NAALAD2: variants seen among roughly 807,000 people sequenced by gnomAD.
The protein encoded by NAALAD2 is N-acetylated alpha-linked acidic dipeptidase 2.
Under a neutral mutation model 95.6 loss-of-function variants are expected in NAALAD2, and 89 were observed. The observed-to-expected ratio is 0.93, with a 90% CI of 0.78 to 1.11. The LOEUF (loss-of-function observed/expected upper bound fraction) is 1.11. NAALAD2 is among the 50% of genes least tolerant of loss of function. The pLI is 0.00. For missense variants in NAALAD2, 894 were observed against 872.4 expected, an observed-to-expected ratio of 1.02 and a Z score of -0.31; for synonymous variants, 264 against 294.4, an observed-to-expected ratio of 0.90 and a Z score of 1.06.
rs948991817 is a variant in NAALAD2, at chr11:90,134,687, C to T, written c.-72C>T. ...CAGAGCTCACAGCCTCCTGCCAGCG[C>T]GCTCTCTGTTTCTCTGCAGCCCCGA... On this transcript the variant is annotated 5_prime_UTR_variant, in exon 1 of 19. Coordinates refer to ENST00000534061, the MANE Select transcript of NAALAD2 (RefSeq NM_005467.4). 5.4e-6 allele frequency: 8 copies of T among 1,473,504 alleles called. No homozygotes were observed. In the Admixed American group the frequency reaches 6.7e-5, roughly 12 times the overall value. The allele number at this position is 1,473,504 out of a possible 1,614,324, so 91.3% of individuals were successfully genotyped here.
At chr11:90,149,456 CAG>C (rs1243732903) in intron 4 of NAALAD2, among the ~76,000 whole-genome samples, 1 of 151,996 alleles carries the variant, frequency 6.6e-6, no homozygotes, top group Non-Finnish European at 1.5e-5. Context: ...TTTTTTGAGA[CAG>C]AGTTTCGCTC....
At chr11:90,168,283 G>C (rs1382356199) in intron 11 of NAALAD2, among the ~76,000 whole-genome samples, 1 of 152,148 alleles carries the variant, frequency 6.6e-6, no homozygotes, top group Admixed American at 6.5e-5. Context: ...CGGACACGCC[G>C]CCTTTAAGAA....
intron 13 of NAALAD2, 38 bp downstream of exon 13, chr11:90,170,174 A>G: frequency 8.6e-7 from 1 of 1,168,466 alleles, no homozygotes. Context: ...TTCTCTTTTG[A>G]ATGGATAAAT....
At chr11:90,133,627 G>A (rs982528243), upstream of NAALAD2, among the ~76,000 whole-genome samples, 1 of 152,186 alleles carries the variant, frequency 6.6e-6, no homozygotes, top group Non-Finnish European at 1.5e-5. Context: ...AGATGAGAAT[G>A]TGTGTATAAT....
rs928129712 is a variant in NAALAD2, at chr11:90,134,795, T to C, written c.37T>C (p.Cys13Arg). The C allele has an allele frequency of 4.3e-6, 7 of 1,614,044 alleles. No individual in the cohort carries two copies. In the African/African-American group the frequency reaches 9.3e-5, roughly 22 times the overall value. The change falls in exon 1 of 19, where the codon TGC becomes CGC. Residue 13 changes from cysteine (C) to arginine (R), a missense_variant. Cys to Arg is a radical substitution (Grantham distance 180). Coordinates refer to ENST00000534061, the MANE Select transcript of NAALAD2 (RefSeq NM_005467.4). ...ESRGRLYLWM[C>R]LAAALASFLM... is the part of the protein sequence containing the mutation. Reference sequence around the variant, plus strand: ...CAGGGGCCGTCTGTACCTTTGGATGTGCTTGGCTGCTGCGCTGGCATCTTT... The same window carrying C: ...CAGGGGCCGTCTGTACCTTTGGATGCGCTTGGCTGCTGCGCTGGCATCTTT...
chr11:90,141,452 A>G (rs1158001613), intron 2 of NAALAD2, among the ~76,000 whole-genome samples: 1 of 152,202 alleles, frequency 6.6e-6, no homozygotes, highest in Non-Finnish European at 1.5e-5. Context: ...TTAGATTTGC[A>G]TCTTTCATTT....
At chr11:90,152,165 A>G in intron 5 of NAALAD2, 133 bp from the exon 6 acceptor site, 1 of 749,916 alleles carries the variant, frequency 1.3e-6, no homozygotes, top group Non-Finnish European at 2.0e-6. Context: ...CAAAGCCAAG[A>G]GAACTGAATG....
chr11:90,179,780 CAGTT>C (rs898931895), intron 16 of NAALAD2, among the ~76,000 whole-genome samples: 23 of 122,856 alleles, frequency 1.9e-4, no homozygotes, highest in African/African-American at 6.2e-4. Flanking sequence ...AGAAACCACA[CAGTT>C]AGAGTGGAAG....
At chr11:90,140,933 G>A (rs1015222520) in intron 2 of NAALAD2, among the ~76,000 whole-genome samples, 1 of 152,082 alleles carries the variant, frequency 6.6e-6, no homozygotes, top group Non-Finnish European at 1.5e-5. Context: ...CTTGAGAATG[G>A]CCAACTGCTC....
chr11:90,143,643 T>C (rs1314334169), intron 2 of NAALAD2, among the ~76,000 whole-genome samples: 2 of 152,136 alleles, frequency 1.3e-5, no homozygotes, highest in Admixed American at 6.5e-5. Context: ...GTACCATTCT[T>C]TCTCCTCTTC....
intron 11 of NAALAD2, among the ~76,000 whole-genome samples, chr11:90,166,334 C>A (rs73543396): frequency 1.3e-5 from 2 of 151,900 alleles, no homozygotes; most frequent in African/African-American, 4.8e-5. Context: ...AGAGAGAGAG[C>A]GAAAGAGTCT....
At chr11:90,184,739 T>C (rs72956881) in intron 18 of NAALAD2, among the ~76,000 whole-genome samples, 8,319 of 152,146 alleles carry the variant, frequency 0.055, 296 homozygotes, top group South Asian at 0.11. Context: ...TCAGTGAAAC[T>C]CAATGTTGAG....
rs1857347716 is a variant in NAALAD2 at position 90,192,165 on chromosome 11, T to C, written c.*418T>C. The C allele has an allele frequency of 6.6e-6, 1 of 152,426 alleles. No individual in the cohort carries two copies. The highest frequency in any genetic ancestry group is 1.5e-5 in the Non-Finnish European group (1 of 68,204). The allele number at this position is 152,426 out of a possible 1,614,324, so 9.4% of individuals were successfully genotyped here. A position where few individuals can be genotyped will look rare whatever the true frequency, so the allele number is the denominator to read the frequency against. On this transcript the variant is annotated 3_prime_UTR_variant, in exon 19 of 19. Transcript: ENST00000534061. ...ATTTATTCAAGAGAAGGAAAAACAA[T>C]GATCACAGCAATACTTGTATGCATG... is the stretch of plus-strand genomic sequence containing the variant.
chr11:90,146,703 A>C (rs1207466946), intron 2 of NAALAD2, among the ~76,000 whole-genome samples: 1 of 152,108 alleles, frequency 6.6e-6, no homozygotes, highest in Non-Finnish European at 1.5e-5. Flanking sequence ...AGTAAAATAA[A>C]TCTCACTAAG....
intron 18 of NAALAD2, among the ~76,000 whole-genome samples, chr11:90,187,102 C>T (rs1266776766): frequency 1.3e-5 from 2 of 151,914 alleles, no homozygotes; most frequent in Non-Finnish European, 2.9e-5. Context: ...CAGAGAAATG[C>T]AAATCAAAAC....
intron 2 of NAALAD2, among the ~76,000 whole-genome samples, chr11:90,142,947 G>A (rs1590959218): frequency 1.3e-5 from 2 of 151,700 alleles, no homozygotes; most frequent in South Asian, 2.1e-4. Flanking sequence ...ATTTACTACT[G>A]TGTCACTTAA....
rs1306941352 is a variant in NAALAD2, at chr11:90,177,617, T to G, written c.1594-236T>G. Among the ~76,000 whole-genome samples, 3 of 103,104 alleles carry G rather than the reference T, an allele frequency of 2.9e-5. No homozygotes were observed. In the South Asian group the frequency reaches 1.2e-3, roughly 40 times the overall value. 67.6% of individuals were successfully genotyped at this position (103,104 alleles called of 152,430 possible). The stretch of plus-strand genomic sequence containing the variant: ...TTTTTTTTTTTTTTTTTTTTTTTTT[T>G]TTTTTTTGTATTTTTAGTAGAGACA... On this transcript the variant is annotated intron_variant, in intron 15 of 18. Transcript: ENST00000534061.
chr11:90,132,667 A>G (rs777416909), upstream of NAALAD2, among the ~76,000 whole-genome samples: 2 of 152,216 alleles, frequency 1.3e-5, no homozygotes, highest in Non-Finnish European at 2.9e-5. Flanking sequence ...AATAATTCTG[A>G]GTGCTCTTGG....
At chr11:90,140,443 A>C (rs1451997847) in intron 2 of NAALAD2, among the ~76,000 whole-genome samples, 4 of 120,534 alleles carry the variant, frequency 3.3e-5, no homozygotes, top group Non-Finnish European at 6.6e-5. Flanking sequence ...TTCGTGACAA[A>C]CCTCTTCTTT....
Sources: allele counts gnomAD v4.1 joint callset (sites outside exome capture counted in the v4.1 genomes callset), GRCh38; gene constraint gnomAD v4.1.1; transcripts MANE v1.5; gene names NCBI Gene and HGNC (gene_info 2026-07-23, HGNC 2026-07-21).